The following TENM3 variants were observed in gnomAD, a reference collection of about 807,000 sequenced individuals.
TENM3 encodes the protein teneurin transmembrane protein 3.
Under a neutral mutation model 255.1 loss-of-function variants are expected in TENM3, and 63 were observed. That is an observed-to-expected ratio of 0.25 (90% CI 0.20 to 0.30). The LOEUF (loss-of-function observed/expected upper bound fraction) is 0.30, where lower values mean the gene tolerates loss of function less well. Among genes scored for constraint, TENM3 ranks in the 10% least tolerant of loss-of-function variants. The probability of loss-of-function intolerance (pLI) is 1.00; values close to 1 mark genes in which losing one functional copy is unlikely to be tolerated. For synonymous variants in TENM3, 1,306 were observed against 1,322.3 expected (o/e 0.99, Z 0.27); for missense variants, 2,929 against 3,461.1 (o/e 0.85, Z 3.86).
chr4:182,584,150 C>T (rs190838544), intron 3 of TENM3, among the ~76,000 whole-genome samples: 16 of 152,356 alleles, frequency 1.1e-4, no homozygotes, highest in African/African-American at 3.8e-4. Context: ...AAAAATCACA[C>T]ACACTTCATA....
intron 3 of TENM3, among the ~76,000 whole-genome samples, chr4:182,584,642 C>CT (rs1200896466): frequency 6.6e-6 from 1 of 151,838 alleles, no homozygotes; most frequent in Admixed American, 6.6e-5. Flanking sequence ...GTTTCTTTGC[C>CT]TTTTTTTCTT....
At chr4:182,315,269 T>C (rs1762687275) in intron 1 of TENM3, among the ~76,000 whole-genome samples, 1 of 152,222 alleles carries the variant, frequency 6.6e-6, no homozygotes, top group Admixed American at 6.5e-5. Flanking sequence ...TGTGATTTTG[T>C]TTTTATTTTG....
the TENM3 span, among the ~76,000 whole-genome samples, chr4:181,459,747 C>T: frequency 6.6e-6 from 1 of 151,920 alleles, no homozygotes; most frequent in Non-Finnish European, 1.5e-5. Context: ...GAATTAGGTA[C>T]CACAGATACT....
chr4:182,496,664 T>C (rs1197846606), intron 3 of TENM3, among the ~76,000 whole-genome samples: 1 of 152,174 alleles, frequency 6.6e-6, no homozygotes, highest in Non-Finnish European at 1.5e-5. Context: ...ATTAAAAATC[T>C]CTTATCTGTT....
At chr4:181,928,922 T>G in the TENM3 span, among the ~76,000 whole-genome samples, 1 of 152,216 alleles carries the variant, frequency 6.6e-6, no homozygotes, top group Admixed American at 6.6e-5. Flanking sequence ...TCATATCCAG[T>G]GAAACTAAAC....
chr4:181,537,298 C>T, the TENM3 span, among the ~76,000 whole-genome samples: 2 of 152,042 alleles, frequency 1.3e-5, no homozygotes, highest in Admixed American at 6.6e-5. Context: ...GGGAATATGG[C>T]CAAGTATTTT....
the TENM3 span, among the ~76,000 whole-genome samples, chr4:181,837,649 C>G: frequency 1.3e-5 from 2 of 152,292 alleles, no homozygotes; most frequent in African/African-American, 4.8e-5. Flanking sequence ...GACAAACCAC[C>G]TTGATACACA....
chr4:182,510,958 G>C (rs779004803), intron 3 of TENM3, among the ~76,000 whole-genome samples: 15 of 152,204 alleles, frequency 9.9e-5, no homozygotes, highest in Non-Finnish European at 1.8e-4. Flanking sequence ...CTTGAGAGAT[G>C]AGGCATTAGC....
the TENM3 span, among the ~76,000 whole-genome samples, chr4:181,582,669 C>CAAAAAAAAAAAAAAAAAAA: frequency 8.0e-6 from 1 of 124,752 alleles, no homozygotes; most frequent in Non-Finnish European, 1.6e-5. Flanking sequence ...CAAAACAAAT[C>CAAAAAAAAAAAAAAAAAAA]AAAAAAAAAA....
chr4:181,551,279 A>C, the TENM3 span, among the ~76,000 whole-genome samples: 1 of 151,622 alleles, frequency 6.6e-6, no homozygotes, highest in Non-Finnish European at 1.5e-5. Context: ...GGAAGTAAAA[A>C]TGCATCCTGA....
At chr4:181,665,521 G>A in the TENM3 span, among the ~76,000 whole-genome samples, 18 of 151,764 alleles carry the variant, frequency 1.2e-4, no homozygotes, top group Admixed American at 2.6e-4. Flanking sequence ...TAGAATCATC[G>A]CGTGCGTGTG....
At chr4:182,155,651 T>A (rs898899409) in intron 1 of TENM3, among the ~76,000 whole-genome samples, 2 of 152,270 alleles carry the variant, frequency 1.3e-5, no homozygotes, top group Admixed American at 1.3e-4. Flanking sequence ...GAGCCAGATG[T>A]AACCAAATTT....
At chr4:182,580,187 T>A (rs1458774236) in intron 3 of TENM3, among the ~76,000 whole-genome samples, 1 of 152,216 alleles carries the variant, frequency 6.6e-6, no homozygotes, top group African/African-American at 2.4e-5. Flanking sequence ...AGTACTCTTT[T>A]GAGAGCTGTC....
chr4:182,119,024 G>A, the TENM3 span, among the ~76,000 whole-genome samples: 1 of 152,134 alleles, frequency 6.6e-6, no homozygotes, highest in Admixed American at 6.5e-5. Flanking sequence ...TCCCATGACA[G>A]GGTCTCAGTC....
At chr4:181,598,243 C>T in the TENM3 span, among the ~76,000 whole-genome samples, 89 of 152,312 alleles carry the variant, frequency 5.8e-4, no homozygotes, top group African/African-American at 2.0e-3. Flanking sequence ...AAACTGCTAA[C>T]TCTAGCTATT....
rs768773500 is a variant in TENM3 at position 182,789,330 on chromosome 4, A to C, written c.5542A>C (p.Arg1848=). Residue 1848 remains arginine (R), a synonymous_variant, in exon 25 of 28, where the codon AGG becomes CGG. Transcript: ENST00000511685. The surrounding 1 kb of genome is among the most constrained non-coding windows in gnomAD (Gnocchi z 4.4). The part of the protein sequence containing the change: ...SEKVDYDGQG[R]IVSRVFADGK... ...GAAAGTAGATTATGACGGACAGGGG[A>C]GGATCGTGTCTCGGGTCTTTGCTGA... The C allele has an allele frequency of 1.9e-6, 3 of 1,613,874 alleles. No individual in the cohort carries two copies. Among genetic ancestry groups the C allele is most frequent in the Non-Finnish European group, 1.7e-6 (2 of 1,179,854 alleles).
intron 3 of TENM3, among the ~76,000 whole-genome samples, chr4:182,437,796 T>TAA (rs35043762): frequency 8.2e-4 from 114 of 138,524 alleles, no homozygotes; most frequent in African/African-American, 1.5e-3. Context: ...AGACTCCGTC[T>TAA]AAAAAAAAAA....
chr4:182,028,206 A>G, the TENM3 span, among the ~76,000 whole-genome samples: 2 of 152,120 alleles, frequency 1.3e-5, no homozygotes, highest in South Asian at 4.1e-4. Context: ...GGTAGGTTGT[A>G]TGTGTCTAAG....
At chr4:181,725,769 C>A in the TENM3 span, among the ~76,000 whole-genome samples, 1 of 152,074 alleles carries the variant, frequency 6.6e-6, no homozygotes, top group African/African-American at 2.4e-5. Context: ...ATGATTTATT[C>A]TTTGTCCCTT....
Sources: allele counts gnomAD v4.1 joint callset (sites outside exome capture counted in the v4.1 genomes callset), GRCh38; gene constraint gnomAD v4.1.1; non-coding constraint Gnocchi (gnomAD v3.1); transcripts MANE v1.5; gene names NCBI Gene and HGNC (gene_info 2026-07-23, HGNC 2026-07-21).